Variants in EIF3H observed in about 807,000 individuals in gnomAD.
EIF3H encodes the protein eIF-3-gamma.
A neutral mutation model predicts 44.2 loss-of-function variants in EIF3H; 26 were observed. The ratio of observed to expected loss-of-function variants is 0.59; its 90% CI spans 0.43 to 0.82. The LOEUF (loss-of-function observed/expected upper bound fraction) is 0.82, where lower values mean the gene tolerates loss of function less well. EIF3H is among the 40% of genes least tolerant of loss of function. The probability of loss-of-function intolerance (pLI) is 0.00; values close to 1 mark genes in which losing one functional copy is unlikely to be tolerated. For synonymous variants in EIF3H, 166 were observed against 151.9 expected (o/e 1.09, Z -0.68); for missense variants, 359 against 432.8 (o/e 0.83, Z 1.51).
intron 1 of EIF3H, among the ~76,000 whole-genome samples, chr8:116,729,243 C>G (rs1814911643): frequency 6.6e-6 from 1 of 152,168 alleles, no homozygotes; most frequent in African/African-American, 2.4e-5. Context: ...TCCTAAACAG[C>G]TGATTCCTAC....
At chr8:116,710,897 C>T (rs971923284) in intron 2 of EIF3H, among the ~76,000 whole-genome samples, 5 of 152,182 alleles carry the variant, frequency 3.3e-5, no homozygotes, top group Non-Finnish European at 5.9e-5. Context: ...AGACTCAAGA[C>T]TCCAATTAGC....
At chr8:116,646,272 G>A (rs1295968576) in intron 7 of EIF3H, among the ~76,000 whole-genome samples, 199 bp downstream of exon 7, 10 of 152,180 alleles carry the variant, frequency 6.6e-5, no homozygotes, top group African/African-American at 2.4e-4. Context: ...GTGAAGCACT[G>A]AAAGGACCTG....
Position 116,645,073 on chromosome 8 carries a change from T to C in EIF3H, c.992A>G (p.Lys331Arg), listed in dbSNP as rs532128169. 1.1e-5 allele frequency: 17 copies of C among 1,614,156 alleles called. No homozygotes were observed. The South Asian group carries it at 1.1e-4, about 10-fold the overall frequency. Residue 331 changes from lysine to arginine, a missense_variant, in exon 8 of 8, where the codon AAG (lysine) becomes AGG (arginine). Physicochemically the swap from Lys to Arg is conservative, Grantham distance 26. Transcript: ENST00000521861. ...GCCTAAGTTTTGGGCAGTGAACTCCTTGATGTTCTGGCAGTAAGTGTTTAT... is the reference window on the plus strand; with the variant it reads ...GCCTAAGTTTTGGGCAGTGAACTCCCTGATGTTCTGGCAGTAAGTGTTTAT... ...GQINTYCQNI[K>R]EFTAQNLGKL... is the part of the protein sequence containing the mutation.
At chr8:116,754,841 T>G (rs1395645896) in intron 1 of EIF3H, among the ~76,000 whole-genome samples, 1 of 152,250 alleles carries the variant, frequency 6.6e-6, no homozygotes, top group Non-Finnish European at 1.5e-5. Context: ...ATTACAATTT[T>G]CACATGAATT....
intron 2 of EIF3H, among the ~76,000 whole-genome samples, chr8:116,721,977 G>A (rs544829638): frequency 2.6e-5 from 4 of 152,296 alleles, no homozygotes; most frequent in African/African-American, 9.6e-5. Flanking sequence ...TTAAGACTTC[G>A]GGGCACAGTT....
chr8:116,748,161 A>AC (rs368736910), intron 1 of EIF3H, among the ~76,000 whole-genome samples: 1 of 151,650 alleles, frequency 6.6e-6, no homozygotes, highest in African/African-American at 2.4e-5. Flanking sequence ...TCAAAAACAA[A>AC]AAAAAAAACA....
intron 2 of EIF3H, among the ~76,000 whole-genome samples, chr8:116,678,875 C>A (rs1813905000): frequency 7.1e-6 from 1 of 140,232 alleles, no homozygotes; most frequent in Non-Finnish European, 1.6e-5. Context: ...GGGGGGTCAG[C>A]CCCCCGCCCG....
At chr8:116,750,029 T>C (rs951770211) in intron 1 of EIF3H, among the ~76,000 whole-genome samples, 2 of 152,300 alleles carry the variant, frequency 1.3e-5, no homozygotes, top group African/African-American at 2.4e-5. Flanking sequence ...TCTGGGTTCA[T>C]CTACATCTAT....
intron 2 of EIF3H, among the ~76,000 whole-genome samples, chr8:116,721,759 AT>A (rs1814750406): frequency 6.6e-6 from 1 of 152,230 alleles, no homozygotes; most frequent in Admixed American, 6.5e-5. Flanking sequence ...GCCCCACTGG[AT>A]TTCAAGACTT....
At chr8:116,670,812 G>A (rs1305897219) in intron 2 of EIF3H, among the ~76,000 whole-genome samples, 1 of 152,116 alleles carries the variant, frequency 6.6e-6, no homozygotes, top group East Asian at 1.9e-4. Flanking sequence ...CAACAATCCT[G>A]TTACTTTTTG....
At chr8:116,743,173 G>A (rs1815159302) in intron 1 of EIF3H, among the ~76,000 whole-genome samples, 1 of 152,206 alleles carries the variant, frequency 6.6e-6, no homozygotes, top group African/African-American at 2.4e-5. Context: ...GCAAGGCCAG[G>A]TGGTGGTGGC....
At position 116,643,061 on chromosome 8, in the gene EIF3H, G is replaced by T. The variant is rs200105485; in HGVS notation, c.*1945C>A. ...GATTTTCCTTGCTTTTATTTTGCTC[G>T]CTTGCTACTTTAAGGGTGCTTTGTT... On this transcript the variant is annotated 3_prime_UTR_variant, in exon 8 of 8. Transcript: ENST00000521861. 1 of 152,068 alleles carries T rather than the reference G, an allele frequency of 6.6e-6. No homozygotes were observed. The highest frequency in any genetic ancestry group is 1.5e-5 in the Non-Finnish European group (1 of 68,014). The allele number at this position is 152,068 out of a possible 1,614,324, so 9.4% of individuals were successfully genotyped here. A position where few individuals can be genotyped will look rare whatever the true frequency, so the allele number is the denominator to read the frequency against.
At chr8:116,659,721 A>AT (rs1262631907) in intron 2 of EIF3H, among the ~76,000 whole-genome samples, 1 of 152,232 alleles carries the variant, frequency 6.6e-6, no homozygotes, top group African/African-American at 2.4e-5. Context: ...AGTAATGACT[A>AT]TAATGTATAC....
At chr8:116,756,015 A>G (rs1563664605), upstream of EIF3H, 2 of 1,535,838 alleles carry the variant, frequency 1.3e-6, no homozygotes, top group African/African-American at 2.7e-5. Flanking sequence ...TTCCGATGGA[A>G]TGATCTAAGA....
At chr8:116,744,995 G>A (rs1343825128) in intron 1 of EIF3H, among the ~76,000 whole-genome samples, 1 of 152,206 alleles carries the variant, frequency 6.6e-6, no homozygotes, top group Non-Finnish European at 1.5e-5. Context: ...ACCTGGAGTT[G>A]CTCAGCCAAA....
intron 2 of EIF3H, among the ~76,000 whole-genome samples, chr8:116,701,145 C>A (rs1256647214): frequency 6.6e-6 from 1 of 152,126 alleles, no homozygotes; most frequent in African/African-American, 2.4e-5. Flanking sequence ...TCACATCATT[C>A]AGTTAATATT....
chr8:116,697,254 G>A (rs1191972302), intron 2 of EIF3H: 11 of 441,050 alleles, frequency 2.5e-5, no homozygotes, highest in Admixed American at 1.8e-4. Flanking sequence ...GAAATCAGAA[G>A]AAACAAAAAA....
At chr8:116,738,062 T>C (rs1242342155) in intron 1 of EIF3H, among the ~76,000 whole-genome samples, 1 of 150,482 alleles carries the variant, frequency 6.6e-6, no homozygotes, top group South Asian at 2.1e-4. Flanking sequence ...AAGAATGGTA[T>C]GGACGGACAT....
At chr8:116,759,707 G>T (rs185685613), upstream of EIF3H, among the ~76,000 whole-genome samples, 11 of 152,192 alleles carry the variant, frequency 7.2e-5, no homozygotes, top group Non-Finnish European at 1.3e-4. Context: ...GTGTGTTTGT[G>T]TATGTGTGTG....
Sources: allele counts gnomAD v4.1 joint callset (sites outside exome capture counted in the v4.1 genomes callset), GRCh38; gene constraint gnomAD v4.1.1; transcripts MANE v1.5; gene names NCBI Gene and HGNC (gene_info 2026-07-23, HGNC 2026-07-21).